CSMD3: variants seen among roughly 807,000 people sequenced by gnomAD.
CSMD3 encodes CUB and sushi domain-containing protein 3.
In CSMD3, 177 loss-of-function variants were observed where a neutral mutation model predicts 435.2. The observed-to-expected ratio is 0.41, with a 90% confidence interval of 0.36 to 0.46. The LOEUF (loss-of-function observed/expected upper bound fraction) is 0.46. Ranked by LOEUF, CSMD3 falls within the 20% of genes least tolerant of loss-of-function variation. The pLI, the probability that CSMD3 is intolerant of heterozygous loss-of-function variation, is 0.34. For missense variants in CSMD3, 4,265 were observed against 4,504.6 expected, an observed-to-expected ratio of 0.95 and a Z score of 1.52; for synonymous variants, 1,656 against 1,520.5, an observed-to-expected ratio of 1.09 and a Z score of -2.07.
intron 4 of CSMD3, among the ~76,000 whole-genome samples, chr8:113,107,087 T>C (rs538804004): frequency 6.6e-6 from 1 of 152,282 alleles, no homozygotes; most frequent in African/African-American, 2.4e-5. Flanking sequence ...ACAGGCTCTA[T>C]AGATTTGCCT....
At chr8:112,897,938 C>T (rs1334386190) in intron 10 of CSMD3, among the ~76,000 whole-genome samples, 2 of 151,046 alleles carry the variant, frequency 1.3e-5, no homozygotes, top group East Asian at 2.0e-4. Flanking sequence ...AGACTGGTCT[C>T]CTTTTTAATG....
intron 27 of CSMD3, among the ~76,000 whole-genome samples, chr8:112,540,971 C>A (rs1472481977): frequency 6.6e-6 from 1 of 151,818 alleles, no homozygotes; most frequent in African/African-American, 2.4e-5. Flanking sequence ...ATGAATATTC[C>A]AGTTACTCTT....
At chr8:113,083,468 A>G (rs952356540) in intron 5 of CSMD3, among the ~76,000 whole-genome samples, 3 of 152,094 alleles carry the variant, frequency 2.0e-5, no homozygotes. Flanking sequence ...GCAGAAACTC[A>G]GGAAATTCAT....
intron 14 of CSMD3, among the ~76,000 whole-genome samples, chr8:112,686,988 T>C (rs1477132276): frequency 1.3e-5 from 2 of 152,104 alleles, no homozygotes; most frequent in South Asian, 4.1e-4. Context: ...TAAAATTGTA[T>C]TTTAAAATTT....
intron 9 of CSMD3, among the ~76,000 whole-genome samples, chr8:112,930,835 C>T (rs1381490497): frequency 6.6e-6 from 1 of 151,978 alleles, no homozygotes; most frequent in Admixed American, 6.6e-5. Flanking sequence ...CTGGAAGGAC[C>T]AGTTAGATTA....
chr8:113,376,846 C>T (rs1347820245), intron 1 of CSMD3: 1 of 1,613,076 alleles, frequency 6.2e-7, no homozygotes, highest in Non-Finnish European at 8.5e-7. Flanking sequence ...CAACCGGCCA[C>T]CTCTGCCCCT....
At chr8:112,273,553 G>A (rs910987836) in intron 59 of CSMD3, among the ~76,000 whole-genome samples, 6 of 151,736 alleles carry the variant, frequency 4.0e-5, no homozygotes, top group Non-Finnish European at 8.8e-5. Context: ...GTGAAACCCC[G>A]TCTCTACTAA....
chr8:112,249,729 G>C (rs10096605), intron 63 of CSMD3, among the ~76,000 whole-genome samples: 19,189 of 151,948 alleles, frequency 0.13, 3,537 homozygotes, highest in African/African-American at 0.41. Context: ...AATTAACATT[G>C]AACTTTTGTA....
At chr8:112,294,956 A>G (rs1278679036) in intron 54 of CSMD3, among the ~76,000 whole-genome samples, 3 of 151,996 alleles carry the variant, frequency 2.0e-5, no homozygotes, top group Non-Finnish European at 4.4e-5. Context: ...AGTTGCATGG[A>G]TAAGTTCTTT....
chr8:113,381,694 T>C (rs1010007848), intron 1 of CSMD3, among the ~76,000 whole-genome samples: 6 of 152,062 alleles, frequency 3.9e-5, no homozygotes, highest in Admixed American at 3.9e-4. Context: ...AGAAACACAT[T>C]AATAAGATAA....
intron 3 of CSMD3, among the ~76,000 whole-genome samples, chr8:113,211,746 C>G (rs1289398654): frequency 6.6e-6 from 1 of 151,980 alleles, no homozygotes; most frequent in African/African-American, 2.4e-5. Context: ...TTAAGTGAAC[C>G]AAAACCTGAA....
chr8:112,644,406 A>G (rs1450911759), intron 20 of CSMD3, among the ~76,000 whole-genome samples: 1 of 152,042 alleles, frequency 6.6e-6, no homozygotes, highest in East Asian at 1.9e-4. Flanking sequence ...ATAGATTCCT[A>G]TAGGGATACA....
At chr8:113,100,105 T>C (rs1465937532) in intron 4 of CSMD3, among the ~76,000 whole-genome samples, 5 of 152,132 alleles carry the variant, frequency 3.3e-5, no homozygotes, top group African/African-American at 1.2e-4. Flanking sequence ...TACTGTATTA[T>C]ATGCATCAAA....
intron 6 of CSMD3, among the ~76,000 whole-genome samples, chr8:113,008,962 T>G (rs1461386393): frequency 6.6e-6 from 1 of 151,398 alleles, no homozygotes; most frequent in Non-Finnish European, 1.5e-5. Context: ...ATATGAAAAA[T>G]AAAATGTAAA....
chr8:113,283,479 T>C (rs191203189), intron 2 of CSMD3, among the ~76,000 whole-genome samples: 61 of 151,790 alleles, frequency 4.0e-4, no homozygotes, highest in African/African-American at 1.4e-3. Flanking sequence ...CGTGAAAAAA[T>C]ACTCAACATC....
intron 32 of CSMD3, among the ~76,000 whole-genome samples, chr8:112,421,023 T>C (rs1007209574): frequency 6.6e-6 from 1 of 152,156 alleles, no homozygotes; most frequent in African/African-American, 2.4e-5. Context: ...GGCTCTTTCA[T>C]TGGCAGAATG....
chr8:113,328,088 G>GACAC (rs1205228211), intron 1 of CSMD3, among the ~76,000 whole-genome samples: 6 of 150,836 alleles, frequency 4.0e-5, no homozygotes, highest in African/African-American at 1.5e-4. Context: ...GACACACACA[G>GACAC]ACACACACAG....
chr8:112,267,290 A>G (rs535333719), intron 59 of CSMD3, among the ~76,000 whole-genome samples: 2 of 152,214 alleles, frequency 1.3e-5, no homozygotes, highest in South Asian at 4.2e-4. Context: ...AGCCCTTAAA[A>G]CAGTTCGATG....
chr8:113,241,019 A>G lies in CSMD3; in HGVS notation c.514+37573T>C, dbSNP rs74389799. 5.5e-3 allele frequency among the ~76,000 whole-genome samples: 839 copies of G among 152,266 alleles called. 4 individuals carry two copies. The highest frequency in any genetic ancestry group is 0.012 in the African/African-American group (512 of 41,580). On this transcript the variant is annotated intron_variant, in intron 3 of 70. Transcript: ENST00000297405. ...ACAAGTTGGATAATAAATATGGTAG[A>G]AACATATTATCAAGATATTAGCTGA...
Sources: gnomAD v4.1 joint callset for allele counts (sites outside exome capture counted in the v4.1 genomes callset) on GRCh38, gnomAD v4.1.1 for gene constraint, MANE v1.5 for transcripts, NCBI Gene and HGNC (gene_info 2026-07-23, HGNC 2026-07-21) for gene names.